Variants in PARVB observed in about 807,000 individuals in gnomAD.
PARVB encodes parvin beta, also known as beta-parvin.
Under a neutral mutation model 47.0 loss-of-function variants are expected in PARVB, and 46 were observed. The ratio of observed to expected loss-of-function variants is 0.98; its 90% CI spans 0.77 to 1.25. The LOEUF (loss-of-function observed/expected upper bound fraction) is 1.25. PARVB is among the 50% of genes most tolerant of loss of function. The probability of loss-of-function intolerance (pLI) is 0.00; values close to 1 mark genes in which losing one functional copy is unlikely to be tolerated. For synonymous variants in PARVB, 196 were observed against 196.3 expected, an observed-to-expected ratio of 1.00 and a Z score of 0.01; for missense variants, 473 against 471.6, an observed-to-expected ratio of 1.00 and a Z score of -0.03.
chr22:44,147,799 A>G, intron 8 of PARVB, 62 bp from the exon 9 acceptor site: 38 of 1,382,380 alleles, frequency 2.7e-5, no homozygotes, highest in Non-Finnish European at 3.8e-5. Context: ...AGGGCCCTGG[A>G]TTAGGGCAGC....
At chr22:44,057,377 A>G (rs1022267413) in intron 1 of PARVB, among the ~76,000 whole-genome samples, 6 of 152,178 alleles carry the variant, frequency 3.9e-5, no homozygotes, top group Admixed American at 2.6e-4. Flanking sequence ...AGAGCAATAA[A>G]GCTTCTAAAA....
At chr22:44,096,410 T>C (rs189446646) in intron 2 of PARVB, among the ~76,000 whole-genome samples, 1 of 152,202 alleles carries the variant, frequency 6.6e-6, no homozygotes, top group East Asian at 1.9e-4. Context: ...AAAATAATAA[T>C]AATTGAACTC....
intron 2 of PARVB, among the ~76,000 whole-genome samples, chr22:44,097,584 C>G (rs1043753382): frequency 6.6e-6 from 1 of 152,202 alleles, no homozygotes; most frequent in African/African-American, 2.4e-5. Flanking sequence ...GCCCCTGCCC[C>G]GTGAGACGCA....
chr22:44,121,547 G>A (rs1179763847), intron 4 of PARVB, among the ~76,000 whole-genome samples: 1 of 123,360 alleles, frequency 8.1e-6, no homozygotes, highest in African/African-American at 3.2e-5. Flanking sequence ...TTCTTCTCCT[G>A]TGTCCTTTTT....
chr22:44,017,797 A>T (rs1175781066), intron 2 of PARVB, among the ~76,000 whole-genome samples: 1 of 151,594 alleles, frequency 6.6e-6, no homozygotes, highest in Non-Finnish European at 1.5e-5. Flanking sequence ...TTTCTCTCCC[A>T]GTTGGTGTTT....
intron 3 of PARVB, chr22:44,114,880 C>A (rs2052831536): frequency 7.7e-6 from 1 of 130,220 alleles, no homozygotes; most frequent in Non-Finnish European, 1.6e-5. Flanking sequence ...GGCCCTGCAC[C>A]AACACAGATA....
intron 3 of PARVB, chr22:44,106,666 C>T (rs1166496149): frequency 6.6e-6 from 1 of 152,116 alleles, no homozygotes; most frequent in Non-Finnish European, 1.5e-5. Flanking sequence ...TTTTCTCTTT[C>T]TCTGTTCTCT....
intron 4 of PARVB, among the ~76,000 whole-genome samples, chr22:44,129,467 G>A (rs1000802252): frequency 1.3e-5 from 2 of 152,202 alleles, no homozygotes; most frequent in South Asian, 2.1e-4. Flanking sequence ...CTGCGGGGCC[G>A]GATGGTGGCA....
chr22:44,043,584 G>A (rs537790944), intron 1 of PARVB, among the ~76,000 whole-genome samples: 2 of 152,104 alleles, frequency 1.3e-5, no homozygotes, highest in East Asian at 3.9e-4. Flanking sequence ...TCACCATGTT[G>A]GCCAGGATGG....
chr22:44,072,629 C>T (rs778427804), intron 1 of PARVB, among the ~76,000 whole-genome samples: 5 of 151,990 alleles, frequency 3.3e-5, no homozygotes, highest in Non-Finnish European at 7.4e-5. Context: ...TTAATGGAGA[C>T]GGGGGCTTCA....
intron 1 of PARVB, chr22:44,039,957 G>C (rs2050989098): frequency 2.4e-6 from 1 of 423,938 alleles, no homozygotes; most frequent in Admixed American, 2.5e-5. Flanking sequence ...GAGGACCACA[G>C]GTGTGTACCA....
chr22:44,050,374 G>A (rs1211924948), intron 1 of PARVB, among the ~76,000 whole-genome samples: 2 of 147,332 alleles, frequency 1.4e-5, no homozygotes. Context: ...ACTGAGTTTC[G>A]CTCTTGTTGC....
chr22:44,135,334 C>T (rs2053420770), intron 6 of PARVB, among the ~76,000 whole-genome samples: 1 of 152,178 alleles, frequency 6.6e-6, no homozygotes, highest in Non-Finnish European at 1.5e-5. Flanking sequence ...TCTCAGCTCA[C>T]TGCAACCTCT....
At chr22:44,017,851 G>A (rs1603423199) in intron 2 of PARVB, among the ~76,000 whole-genome samples, 1 of 152,188 alleles carries the variant, frequency 6.6e-6, no homozygotes, top group South Asian at 2.1e-4. Flanking sequence ...TTCACTGGGG[G>A]TCCGTGGGGT....
At chr22:44,011,720 T>G (rs1220912141) in intron 2 of PARVB, among the ~76,000 whole-genome samples, 1 of 152,108 alleles carries the variant, frequency 6.6e-6, no homozygotes, top group East Asian at 1.9e-4. Flanking sequence ...CACTGTGTCT[T>G]CCCTGGCCAC....
At chr22:44,057,079 TTC>T (rs886399379) in intron 1 of PARVB, among the ~76,000 whole-genome samples, 1 of 151,280 alleles carries the variant, frequency 6.6e-6, no homozygotes, top group Non-Finnish European at 1.5e-5. Flanking sequence ...AAGTTTCTCT[TTC>T]TCTCTCTCTC....
At position 44,029,767 on chromosome 22, in the gene PARVB, G is replaced by A. The variant is rs184382968; in HGVS notation, c.112+5316G>A. Reference sequence around the variant, plus strand: ...TCTACTAAAAATACAAAAATTAGCCGGGCGTGGTGGCACACACCTGTAATC... The same window carrying A: ...TCTACTAAAAATACAAAAATTAGCCAGGCGTGGTGGCACACACCTGTAATC... On this transcript the variant is annotated intron_variant, in intron 1 of 12. Coordinates refer to ENST00000338758, the MANE Select transcript of PARVB (RefSeq NM_013327.5). Among the ~76,000 whole-genome samples, 199 of 152,018 alleles carry A rather than the reference G, an allele frequency of 1.3e-3. 1 individual carries two copies. The highest frequency in any genetic ancestry group is 7.1e-3 in the South Asian group (34 of 4,792).
intron 1 of PARVB, among the ~76,000 whole-genome samples, chr22:44,085,233 C>T (rs1396231334): frequency 2.0e-5 from 3 of 152,210 alleles, no homozygotes; most frequent in Non-Finnish European, 2.9e-5. Flanking sequence ...CTCCAAGTAG[C>T]TGGGACAACA....
intron 3 of PARVB, chr22:44,113,980 G>A (rs1225635319): frequency 1.8e-4 from 10 of 56,798 alleles, no homozygotes; most frequent in Admixed American, 1.6e-3. Context: ...CTAAGGCCCT[G>A]CACCAACACA....
Sources: allele counts gnomAD v4.1 joint callset (sites outside exome capture counted in the v4.1 genomes callset), GRCh38; gene constraint gnomAD v4.1.1; transcripts MANE v1.5; gene names NCBI Gene and HGNC (gene_info 2026-07-23, HGNC 2026-07-21).